THRAP3: variants seen among roughly 807,000 people sequenced by gnomAD.
THRAP3 encodes the protein thyroid hormone receptor associated protein 3, also known as thyroid hormone receptor-associated protein 3.
In THRAP3, 16 loss-of-function variants were observed where a neutral mutation model predicts 101.0. The observed-to-expected ratio is 0.16, with a 90% CI of 0.11 to 0.24. The LOEUF (loss-of-function observed/expected upper bound fraction) is 0.24. THRAP3 is among the 10% of genes least tolerant of loss of function. The probability of loss-of-function intolerance (pLI) is 1.00; values close to 1 mark genes in which losing one functional copy is unlikely to be tolerated. For synonymous variants in THRAP3, 407 were observed against 422.6 expected, an observed-to-expected ratio of 0.96 and a Z score of 0.45; for missense variants, 989 against 1,202.7, an observed-to-expected ratio of 0.82 and a Z score of 2.63.
Position 36,303,920 on chromosome 1 carries a change from A to G in THRAP3, c.2771A>G (p.His924Arg). Residue 924 changes from histidine (H) to arginine (R), a missense_variant, in exon 12 of 12, where the codon CAT (histidine) becomes CGT (arginine). Physicochemically the swap from His to Arg is conservative, Grantham distance 29. Coordinates refer to ENST00000354618, the MANE Select transcript of THRAP3 (RefSeq NM_005119.4). Reference protein sequence around the residue: ...RKSSTSPKWAHDKFSGEEGEI... With the variant: ...RKSSTSPKWARDKFSGEEGEI... ...TCAAGTACCAGCCCCAAGTGGGCCC[A>G]TGACAAGTTCAGTGGGGAGGAAGGG... is the stretch of plus-strand genomic sequence containing the variant. The G allele has an allele frequency of 1.7e-5, 27 of 1,613,654 alleles. No individual in the cohort carries two copies. The highest frequency in any genetic ancestry group is 2.2e-5 in the Non-Finnish European group (26 of 1,179,834).
chr1:36,287,989 C>T (rs1451575730), intron 4 of THRAP3: 14 of 956,722 alleles, frequency 1.5e-5, no homozygotes, highest in Non-Finnish European at 1.6e-5. Context: ...CAGCAAGTGG[C>T]TCCCCCTTTT....
chr1:36,288,151 A>AT lies in THRAP3; in HGVS notation c.1040+884dup, dbSNP rs1645819368. The AT allele has an allele frequency of 1.3e-5, 12 of 953,894 alleles. No homozygotes were observed. The South Asian group carries it at 3.9e-4, about 31-fold the overall frequency. 59.1% of individuals were successfully genotyped at this position (953,894 alleles called of 1,614,324 possible). ...GCCTTCAGTAAGTCTGTTTTATTTTATTTATTTATTTATTTATTTCAATAG... is the reference window on the plus strand; with the variant it reads ...GCCTTCAGTAAGTCTGTTTTATTTTATTTTATTTATTTATTTATTTCAATAG... On this transcript the variant is annotated intron_variant, in intron 4 of 11. Transcript: ENST00000354618.
intron 3 of THRAP3, among the ~76,000 whole-genome samples, chr1:36,283,331 A>T (rs1645756765): frequency 6.6e-6 from 1 of 152,160 alleles, no homozygotes. Context: ...CTTCAGGTGG[A>T]TTTCCCTATT....
chr1:36,210,156 G>A, the THRAP3 span, among the ~76,000 whole-genome samples: 2 of 150,850 alleles, frequency 1.3e-5, no homozygotes, highest in African/African-American at 2.4e-5. Context: ...CACAAGGTCA[G>A]AAGATCGAGA....
intron 1 of THRAP3, among the ~76,000 whole-genome samples, chr1:36,253,101 A>G (rs1349306393): frequency 1.3e-5 from 2 of 151,666 alleles, no homozygotes; most frequent in Non-Finnish European, 2.9e-5. Flanking sequence ...GCAAATATTT[A>G]TTTGTTAATG....
intron 1 of THRAP3, among the ~76,000 whole-genome samples, chr1:36,249,939 T>G (rs1393375643): frequency 1.3e-5 from 2 of 152,094 alleles, no homozygotes; most frequent in Non-Finnish European, 2.9e-5. Context: ...GACCTTTAAT[T>G]GGAGGAATGA....
chr1:36,278,662 G>A (rs914960776), intron 2 of THRAP3, among the ~76,000 whole-genome samples: 2 of 152,134 alleles, frequency 1.3e-5, no homozygotes, highest in Admixed American at 6.5e-5. Flanking sequence ...GGTGGATCAC[G>A]CATGTAATCC....
At chr1:36,255,163 CTTCTT>C (rs945335386) in intron 1 of THRAP3, among the ~76,000 whole-genome samples, 2 of 152,092 alleles carry the variant, frequency 1.3e-5, no homozygotes, top group African/African-American at 4.8e-5. Context: ...TTGACACTGT[CTTCTT>C]TTTTTCGCTT....
chr1:36,287,386 T>C, intron 4 of THRAP3, 116 bp downstream of exon 4: 3 of 1,395,342 alleles, frequency 2.2e-6, no homozygotes. Flanking sequence ...CCCTATTTCC[T>C]AGACTTTTCG....
At chr1:36,278,501 G>C (rs1015750038) in intron 2 of THRAP3, among the ~76,000 whole-genome samples, 2 of 152,138 alleles carry the variant, frequency 1.3e-5, no homozygotes, top group East Asian at 1.9e-4. Context: ...AGTCAAGAAG[G>C]CTTGGGCTTC....
chr1:36,243,564 C>T (rs1645190323), intron 1 of THRAP3, among the ~76,000 whole-genome samples: 1 of 152,206 alleles, frequency 6.6e-6, no homozygotes, highest in African/African-American at 2.4e-5. Flanking sequence ...TCTCTTAGCA[C>T]AGAACAAAAT....
intron 1 of THRAP3, among the ~76,000 whole-genome samples, chr1:36,245,314 G>A (rs1256358928): frequency 6.6e-6 from 1 of 151,644 alleles, no homozygotes; most frequent in African/African-American, 2.4e-5. Context: ...TTACAGGCCT[G>A]CGCCATCACA....
At chr1:36,214,959 C>A in the THRAP3 span, among the ~76,000 whole-genome samples, 1 of 150,584 alleles carries the variant, frequency 6.6e-6, no homozygotes, top group East Asian at 2.0e-4. Context: ...CGGTGGCTCA[C>A]GCCTGTAATC....
intron 1 of THRAP3, among the ~76,000 whole-genome samples, chr1:36,245,026 A>G (rs1645214314): frequency 6.6e-6 from 1 of 151,446 alleles, no homozygotes; most frequent in African/African-American, 2.4e-5. Flanking sequence ...GGCCAGAGCC[A>G]GGTTAACTAC....
intron 2 of THRAP3, among the ~76,000 whole-genome samples, chr1:36,262,134 A>G (rs949557841): frequency 6.6e-6 from 1 of 152,262 alleles, no homozygotes; most frequent in Non-Finnish European, 1.5e-5. Flanking sequence ...AATTCAATAT[A>G]TCCAGTACAT....
chr1:36,220,069 A>G (rs1032094790), upstream of THRAP3, among the ~76,000 whole-genome samples: 1 of 152,046 alleles, frequency 6.6e-6, no homozygotes, highest in African/African-American at 2.4e-5. Flanking sequence ...ACCTTGGCTC[A>G]CTGCAACCTT....
intron 1 of THRAP3, chr1:36,225,007 C>T (rs1464265754): frequency 6.6e-6 from 1 of 152,256 alleles, no homozygotes; most frequent in Non-Finnish European, 1.5e-5. Flanking sequence ...AAATTTGTCT[C>T]CTACGGGAAT....
intron 2 of THRAP3, among the ~76,000 whole-genome samples, chr1:36,276,545 G>A (rs547148611): frequency 4.1e-4 from 57 of 137,794 alleles, no homozygotes; most frequent in African/African-American, 1.5e-3. Flanking sequence ...AAAAAAAGGT[G>A]CTTCAAAGGA....
chr1:36,253,760 A>ATTTTTTTTTTATTTTTT (rs1645338003), intron 1 of THRAP3, among the ~76,000 whole-genome samples: 8 of 100,234 alleles, frequency 8.0e-5, no homozygotes, highest in African/African-American at 3.4e-4. Context: ...AGTCAGGCTA[A>ATTTTTTTTTTATTTTTT]TTTTTTTTTT....
Sources: allele counts gnomAD v4.1 joint callset (sites outside exome capture counted in the v4.1 genomes callset), GRCh38; gene constraint gnomAD v4.1.1; transcripts MANE v1.5; gene names NCBI Gene and HGNC (gene_info 2026-07-23, HGNC 2026-07-21).